NWD1: variants seen among roughly 807,000 people sequenced by gnomAD.
The protein encoded by NWD1 is NACHT and WD repeat domain containing 1.
NWD1 carries 129 observed loss-of-function variants against 135.1 expected under a neutral mutation model. That is an observed-to-expected ratio of 0.96 (90% CI 0.83 to 1.11). The LOEUF (loss-of-function observed/expected upper bound fraction) is 1.11. Ranked by LOEUF, NWD1 falls within the 50% of genes least tolerant of loss-of-function variation. NWD1 has a pLI of 0.00. For synonymous variants in NWD1, 773 were observed against 786.0 expected, an observed-to-expected ratio of 0.98 and a Z score of 0.28; for missense variants, 1,740 against 1,851.3, an observed-to-expected ratio of 0.94 and a Z score of 1.10.
chr19:16,736,891 T>C, intron 4 of NWD1, 141 bp downstream of exon 4: 1 of 635,272 alleles, frequency 1.6e-6, no homozygotes, highest in Admixed American at 2.4e-5. Flanking sequence ...GTGGCAGACA[T>C]TACTAATCAA....
chr19:16,799,309 C>T (rs765465315), intron 16 of NWD1, among the ~76,000 whole-genome samples: 3 of 152,136 alleles, frequency 2.0e-5, no homozygotes, highest in African/African-American at 4.8e-5. Context: ...GAGTCTCCTG[C>T]CTCAGCCTCC....
At chr19:16,798,005 G>A (rs1448372385) in intron 16 of NWD1, 119 bp downstream of exon 16, 1 of 903,686 alleles carries the variant, frequency 1.1e-6, no homozygotes, top group African/African-American at 1.7e-5. Flanking sequence ...GGCAAAATAG[G>A]TGAGTTCATT....
intron 13 of NWD1, among the ~76,000 whole-genome samples, chr19:16,789,493 T>G (rs763053865): frequency 2.6e-5 from 4 of 152,204 alleles, no homozygotes; most frequent in Non-Finnish European, 5.9e-5. Flanking sequence ...TTTTGACGTG[T>G]GTTTTCATTT....
chr19:16,743,039 A>G (rs184138128), intron 4 of NWD1, among the ~76,000 whole-genome samples: 1 of 151,640 alleles, frequency 6.6e-6, no homozygotes, highest in East Asian at 1.9e-4. Flanking sequence ...CAGCCTCCCT[A>G]GTAGCTGGGA....
At position 16,749,163 on chromosome 19, in the gene NWD1, G is replaced by A. The variant is rs745655453; in HGVS notation, c.521G>A (p.Ser174Asn). The A allele has an allele frequency of 1.1e-5, 17 of 1,609,684 alleles. No individual in the cohort carries two copies. The Admixed American group carries it at 2.9e-4, about 27-fold the overall frequency. The change falls in exon 6 of 19, where the codon AGC becomes AAC. Residue 174 changes from serine to asparagine, a missense_variant. Ser to Asn is a conservative substitution (Grantham distance 46). Transcript: ENST00000524140. The stretch of plus-strand genomic sequence containing the variant: ...GTCATTGAGTGGGAGATAGAGCGGA[G>A]CCTGCTGAGCTCAGAGGACCGGGAA... ...RSVIEWEIER[S>N]LLSSEDREQG...
At chr19:16,808,599 GT>G (rs1268056185) in intron 18 of NWD1, among the ~76,000 whole-genome samples, 5 of 151,516 alleles carry the variant, frequency 3.3e-5, no homozygotes, top group South Asian at 2.1e-4. Flanking sequence ...CAGAAGCAAA[GT>G]TTTTTTTGTT....
intron 6 of NWD1, 49 bp downstream of exon 6, chr19:16,750,460 T>C: frequency 7.2e-7 from 1 of 1,385,678 alleles, no homozygotes; most frequent in Non-Finnish European, 9.5e-7. Context: ...ATGTTTTCTT[T>C]TTTTATTTTT....
chr19:16,802,286 T>TAAATAAAAATAA (rs368646576), intron 17 of NWD1, among the ~76,000 whole-genome samples: 30,766 of 143,854 alleles, frequency 0.21, 3,819 homozygotes, highest in Middle Eastern at 0.42. Context: ...AATAAATAAA[T>TAAATAAAAATAA]AAATAAAAAT....
At chr19:16,755,905 C>T (rs1968775712) in intron 6 of NWD1, among the ~76,000 whole-genome samples, 1 of 152,014 alleles carries the variant, frequency 6.6e-6, no homozygotes. Context: ...CAGCTGTCTC[C>T]CAACGTACCT....
At chr19:16,805,502 T>A (rs558104379) in intron 17 of NWD1, among the ~76,000 whole-genome samples, 84 of 152,230 alleles carry the variant, frequency 5.5e-4, no homozygotes, top group African/African-American at 2.0e-3. Context: ...TTAATTTTTT[T>A]AATGTTTTTG....
intron 4 of NWD1, 102 bp downstream of exon 4, chr19:16,736,852 C>A: frequency 2.7e-6 from 2 of 729,176 alleles, no homozygotes; most frequent in Non-Finnish European, 4.8e-6. Context: ...ACCGTTTCTG[C>A]TTTCGTACCT....
chr19:16,788,232 A>AAATAAT (rs200511332), intron 12 of NWD1, among the ~76,000 whole-genome samples: 110 of 115,424 alleles, frequency 9.5e-4, no homozygotes, highest in Middle Eastern at 4.2e-3. Flanking sequence ...CTTCATCTCA[A>AAATAAT]AATAATAATA....
At position 16,797,786 on chromosome 19, in the gene NWD1, T is replaced by C. The variant is rs200366855; in HGVS notation, c.3359T>C (p.Phe1120Ser). The C allele has an allele frequency of 6.2e-7, 1 of 1,614,010 alleles. No individual in the cohort carries two copies. The highest frequency in any genetic ancestry group is 8.5e-7 in the Non-Finnish European group (1 of 1,179,880). The change falls in exon 16 of 19, where the codon TTC (phenylalanine) becomes TCC (serine). Residue 1120 changes from phenylalanine (F) to serine (S), a missense_variant. Phe to Ser is a radical substitution (Grantham distance 155). Transcript: ENST00000524140. The stretch of plus-strand genomic sequence containing the variant: ...GCGGACTCGAGGGGCTTTCGCCGAT[T>C]CATGGCCATGGATCTGGAACATGAA... ...FLADSRGFRR[F>S]MAMDLEHEDM...
chr19:16,762,242 T>C, intron 8 of NWD1, 104 bp downstream of exon 8: 1 of 977,584 alleles, frequency 1.0e-6, no homozygotes, highest in Admixed American at 2.3e-5. Flanking sequence ...CCTCCCGACC[T>C]ACTTCTCCTT....
At chr19:16,727,953 T>C (rs1474860939) in intron 2 of NWD1, among the ~76,000 whole-genome samples, 1 of 151,928 alleles carries the variant, frequency 6.6e-6, no homozygotes, top group Admixed American at 6.6e-5. Context: ...TCCCAGCTAC[T>C]TGAGAGGCTG....
rs778608744 is a variant in NWD1, at chr19:16,815,041, A to G, written c.*2A>G. ...TCACCCTTACAGGCACCCTGCTGAC[A>G]GTCCAGTTTGTCCATGCTGTGGTAA... is the stretch of plus-strand genomic sequence containing the variant. On this transcript the variant is annotated 3_prime_UTR_variant, in exon 19 of 19. Coordinates refer to ENST00000524140, the MANE Select transcript of NWD1 (RefSeq NM_001007525.5). 1 of 1,614,042 alleles carries G rather than the reference A, an allele frequency of 6.2e-7. No individual in the cohort carries two copies.
chr19:16,745,174 A>AG (rs770031086), intron 5 of NWD1: 55 of 417,730 alleles, frequency 1.3e-4, no homozygotes, highest in Middle Eastern at 1.2e-3. Flanking sequence ...GCCAAGCGAA[A>AG]GGGGAAATTC....
intron 5 of NWD1, among the ~76,000 whole-genome samples, chr19:16,747,279 C>T (rs150160530): frequency 6.6e-6 from 1 of 151,464 alleles, no homozygotes; most frequent in African/African-American, 2.4e-5. Flanking sequence ...TCTTGATCGG[C>T]CCGCCTTGGC....
At chr19:16,743,684 A>G (rs146267567) in intron 4 of NWD1, among the ~76,000 whole-genome samples, 5 of 124,848 alleles carry the variant, frequency 4.0e-5, no homozygotes, top group African/African-American at 2.4e-4. Flanking sequence ...TAGTTTGTTT[A>G]TTTATTTATT....
Sources: allele counts gnomAD v4.1 joint callset (sites outside exome capture counted in the v4.1 genomes callset), GRCh38; gene constraint gnomAD v4.1.1; transcripts MANE v1.5; gene names NCBI Gene and HGNC (gene_info 2026-07-23, HGNC 2026-07-21).